Variants in FHOD3 observed in about 807,000 individuals in gnomAD.
FHOD3 encodes the protein FH1/FH2 domain-containing protein 3.
Under a neutral mutation model 173.0 loss-of-function variants are expected in FHOD3, and 90 were observed. The ratio of observed to expected loss-of-function variants is 0.52; its 90% CI spans 0.44 to 0.62. The LOEUF (loss-of-function observed/expected upper bound fraction) is 0.62. FHOD3 is among the 20% of genes least tolerant of loss of function. The pLI is 0.00. For missense variants in FHOD3, 1,945 were observed against 2,034.7 expected, an observed-to-expected ratio of 0.96 and a Z score of 0.85; for synonymous variants, 828 against 823.0, an observed-to-expected ratio of 1.01 and a Z score of -0.10.
intron 28 of FHOD3, chr18:36,777,510 G>A (rs1400994797): frequency 6.6e-6 from 1 of 152,098 alleles, no homozygotes; most frequent in African/African-American, 2.4e-5. Context: ...ACTTTTTAAG[G>A]AAGTATTTTG....
intron 15 of FHOD3, among the ~76,000 whole-genome samples, chr18:36,682,460 C>T (rs1054777255): frequency 2.0e-5 from 3 of 152,174 alleles, no homozygotes; most frequent in African/African-American, 7.2e-5. Context: ...ATCTCTACCT[C>T]CTGTTTCCTT....
Position 36,779,825 on chromosome 18 carries a change from T to G in FHOD3, c.*295T>G. The G allele has an allele frequency of 2.1e-6, 1 of 486,170 alleles. No homozygotes were observed. Among genetic ancestry groups the G allele is most frequent in the Non-Finnish European group, 3.6e-6 (1 of 275,992 alleles). The allele number at this position is 486,170 out of a possible 1,614,324, so 30.1% of individuals were successfully genotyped here. The stretch of plus-strand genomic sequence containing the variant: ...CTTTTCTGGGCAAGGAACAGCCCCT[T>G]TAAGGAGCAAATCACTTCTGTCACA... On this transcript the variant is annotated 3_prime_UTR_variant, in exon 29 of 29. Coordinates refer to ENST00000590592, the MANE Select transcript of FHOD3 (RefSeq NM_001281740.3).
chr18:36,779,724 C>T lies in FHOD3; in HGVS notation c.*194C>T. 1.7e-6 allele frequency: 1 copy of T among 582,116 alleles called. No homozygotes were observed. The highest frequency in any genetic ancestry group is 3.1e-6 in the Non-Finnish European group (1 of 327,596). 36.1% of individuals were successfully genotyped at this position (582,116 alleles called of 1,614,324 possible). On this transcript the variant is annotated 3_prime_UTR_variant, in exon 29 of 29. Coordinates refer to ENST00000590592, the MANE Select transcript of FHOD3 (RefSeq NM_001281740.3). ...CTTGGATCTCCAGGAGTCCCCTGCA[C>T]ATACCTTCTCCATCGTGTCAGCTGT...
chr18:36,465,820 G>A (rs2052883001), intron 3 of FHOD3, among the ~76,000 whole-genome samples: 2 of 152,122 alleles, frequency 1.3e-5, no homozygotes, highest in Non-Finnish European at 2.9e-5. Flanking sequence ...ATGGCAGAGA[G>A]AGGTGGTTTT....
intron 9 of FHOD3, among the ~76,000 whole-genome samples, chr18:36,615,253 G>A (rs1334149517): frequency 1.3e-5 from 2 of 152,110 alleles, no homozygotes; most frequent in Non-Finnish European, 2.9e-5. Flanking sequence ...TCTATGGGTT[G>A]TATTTTTCCA....
chr18:36,769,220 T>C (rs952449446), intron 27 of FHOD3, 45 bp from the exon 28 acceptor site: 52 of 1,599,774 alleles, frequency 3.3e-5, no homozygotes, highest in Non-Finnish European at 4.4e-5. Context: ...ATCTTTTGTG[T>C]TTTCCTTCTG....
intron 9 of FHOD3, among the ~76,000 whole-genome samples, chr18:36,617,237 C>T (rs974038311): frequency 6.6e-6 from 1 of 152,182 alleles, no homozygotes; most frequent in Non-Finnish European, 1.5e-5. Flanking sequence ...ATGCTTGTGT[C>T]CTTTCCCCAG....
At chr18:36,762,975 T>C (rs1329041207) in intron 27 of FHOD3, among the ~76,000 whole-genome samples, 2 of 148,332 alleles carry the variant, frequency 1.3e-5, no homozygotes, top group Admixed American at 6.8e-5. Flanking sequence ...ATATGCGTAT[T>C]ATATACGTTA....
intron 1 of FHOD3, among the ~76,000 whole-genome samples, chr18:36,307,213 C>G (rs766469308): frequency 3.3e-5 from 5 of 152,218 alleles, no homozygotes; most frequent in Non-Finnish European, 4.4e-5. Flanking sequence ...CTGCCCGCGT[C>G]AGCCTCCCAA....
chr18:36,621,168 G>A (rs142273884), intron 9 of FHOD3, among the ~76,000 whole-genome samples: 326 of 152,134 alleles, frequency 2.1e-3, no homozygotes, highest in African/African-American at 7.0e-3. Context: ...GTCAGATTAC[G>A]TGTTCTAACT....
chr18:36,604,364 T>G (rs1473644808), intron 8 of FHOD3, among the ~76,000 whole-genome samples: 1 of 152,204 alleles, frequency 6.6e-6, no homozygotes, highest in African/African-American at 2.4e-5. Context: ...AGTATAATTA[T>G]GAAGAGCACC....
intron 3 of FHOD3, among the ~76,000 whole-genome samples, chr18:36,441,084 C>T (rs1383299306): frequency 6.6e-6 from 1 of 152,186 alleles, no homozygotes; most frequent in Non-Finnish European, 1.5e-5. Flanking sequence ...ATAGATTCCT[C>T]AGTTCCAGGA....
At chr18:36,730,863 G>A (rs2041321132) in intron 20 of FHOD3, 59 bp downstream of exon 20, 5 of 1,489,108 alleles carry the variant, frequency 3.4e-6, no homozygotes, top group East Asian at 2.3e-5. Flanking sequence ...TGTATAATAT[G>A]CTGCATGTCC....
At chr18:36,526,740 A>G (rs566310980) in intron 5 of FHOD3, among the ~76,000 whole-genome samples, 1 of 152,342 alleles carries the variant, frequency 6.6e-6, no homozygotes, top group Non-Finnish European at 1.5e-5. Flanking sequence ...TCAGCTTAAT[A>G]TATAGTGTTT....
At chr18:36,578,996 C>T (rs1429714360) in intron 6 of FHOD3, among the ~76,000 whole-genome samples, 1 of 152,166 alleles carries the variant, frequency 6.6e-6, no homozygotes, top group East Asian at 1.9e-4. Flanking sequence ...GGAAGTGACT[C>T]TGTTTTGAAA....
intron 10 of FHOD3, among the ~76,000 whole-genome samples, chr18:36,632,399 G>A (rs2034579003): frequency 6.6e-6 from 1 of 152,028 alleles, no homozygotes; most frequent in Non-Finnish European, 1.5e-5. Context: ...TCTCCTGAAT[G>A]GTTTGCCTAT....
At chr18:36,476,048 T>C (rs2053557025) in intron 3 of FHOD3, among the ~76,000 whole-genome samples, 1 of 152,170 alleles carries the variant, frequency 6.6e-6, no homozygotes, top group Non-Finnish European at 1.5e-5. Context: ...ATAGTGATTA[T>C]TATTATATTG....
chr18:36,332,316 G>A (rs73417047), intron 1 of FHOD3, among the ~76,000 whole-genome samples: 126 of 152,308 alleles, frequency 8.3e-4, no homozygotes, highest in African/African-American at 2.9e-3. Flanking sequence ...ATTTATTTCA[G>A]AGTGTGGCTC....
rs2091832819 is a variant in FHOD3, at chr18:36,297,791, GCCCCGCTAACCCCGGGGCC to G, written c.-43_-25del. 4.1e-6 allele frequency: 6 copies of G among 1,459,780 alleles called. No individual in the cohort carries two copies. Among genetic ancestry groups the G allele is most frequent in the East Asian group, 3.1e-5 (1 of 32,436 alleles). 90.4% of individuals were successfully genotyped at this position (1,459,780 alleles called of 1,614,324 possible). A position where few individuals can be genotyped will look rare whatever the true frequency, so the allele number is the denominator to read the frequency against. ...AGCTACCCGGGCGTCCCGGCCCGCGGCCCCGCTAACCCCGGGGCCCGCGCCCCCGCGGCAGGGATGCATC... is the reference window on the plus strand; with the variant it reads ...AGCTACCCGGGCGTCCCGGCCCGCGGCGCGCCCCCGCGGCAGGGATGCATC... On this transcript the variant is annotated 5_prime_UTR_variant, in exon 1 of 29. Transcript: ENST00000590592.
Sources: gnomAD v4.1 joint callset for allele counts (sites outside exome capture counted in the v4.1 genomes callset) on GRCh38, gnomAD v4.1.1 for gene constraint, MANE v1.5 for transcripts, NCBI Gene and HGNC (gene_info 2026-07-23, HGNC 2026-07-21) for gene names.